The following EIF4E3 variants were observed in gnomAD, a reference collection of about 807,000 sequenced individuals.
EIF4E3 encodes the protein eukaryotic translation initiation factor 4E family member 3.
In EIF4E3, 26 loss-of-function variants were observed where a neutral mutation model predicts 31.7. The observed-to-expected ratio is 0.82, with a 90% CI of 0.60 to 1.14. The LOEUF (loss-of-function observed/expected upper bound fraction) is 1.14. Among genes scored for constraint, EIF4E3 ranks in the 50% most tolerant of loss-of-function variants. EIF4E3 has a pLI of 0.00. For synonymous variants in EIF4E3, 128 were observed against 107.7 expected (o/e 1.19, Z -1.17); for missense variants, 304 against 270.9 (o/e 1.12, Z -0.86).
At chr3:71,663,790 T>C in the EIF4E3 span, among the ~76,000 whole-genome samples, 2 of 152,236 alleles carry the variant, frequency 1.3e-5, no homozygotes, top group Admixed American at 6.5e-5. Flanking sequence ...GACCCAGCCA[T>C]GGAGGCCACC....
chr3:71,739,208 G>A (rs1025505303), intron 1 of EIF4E3, among the ~76,000 whole-genome samples: 1 of 150,424 alleles, frequency 6.6e-6, no homozygotes, highest in Non-Finnish European at 1.5e-5. Flanking sequence ...AGGAAAAGAA[G>A]AGCAAAGTAA....
upstream of EIF4E3, chr3:71,753,998 G>A: frequency 9.3e-7 from 1 of 1,072,172 alleles, no homozygotes; most frequent in Non-Finnish European, 1.1e-6. Flanking sequence ...CTGCGGGAGC[G>A]GCGAGGCAGG....
At chr3:71,668,549 G>GA in the EIF4E3 span, among the ~76,000 whole-genome samples, 111 of 144,502 alleles carry the variant, frequency 7.7e-4, no homozygotes, top group Admixed American at 2.1e-3. Context: ...AAATTTACAA[G>GA]AAAAAAAAAA....
intron 4 of EIF4E3, among the ~76,000 whole-genome samples, chr3:71,694,387 G>A (rs1210458354): frequency 1.3e-5 from 2 of 152,158 alleles, no homozygotes; most frequent in East Asian, 3.8e-4. Context: ...GGTTACACAA[G>A]TAAAGAACAC....
intron 1 of EIF4E3, among the ~76,000 whole-genome samples, chr3:71,734,232 G>A (rs1451330370): frequency 6.6e-6 from 1 of 152,202 alleles, no homozygotes; most frequent in Non-Finnish European, 1.5e-5. Flanking sequence ...CATTACAAAA[G>A]AGGAGCTCTC....
At chr3:71,731,143 C>T (rs758678212) in intron 1 of EIF4E3, among the ~76,000 whole-genome samples, 6 of 152,138 alleles carry the variant, frequency 3.9e-5, no homozygotes, top group Non-Finnish European at 7.4e-5. Flanking sequence ...TTCTAACACC[C>T]GACCCTCTCA....
chr3:71,674,312 G>C (rs2048861442), downstream of EIF4E3, among the ~76,000 whole-genome samples: 2 of 151,498 alleles, frequency 1.3e-5, no homozygotes, highest in Admixed American at 1.3e-4. Context: ...TCACCATGTT[G>C]GCCGGGCTGG....
At chr3:71,689,908 A>G in intron 6 of EIF4E3, 102 bp downstream of exon 6, 1 of 1,156,068 alleles carries the variant, frequency 8.7e-7, no homozygotes, top group East Asian at 2.8e-5. Flanking sequence ...GAATTATCAA[A>G]TTTCAAGTAA....
chr3:71,754,363 T>C, upstream of EIF4E3: 1 of 1,324,540 alleles, frequency 7.5e-7, no homozygotes, highest in Non-Finnish European at 9.7e-7. This position sits in a 1 kb window ranked among gnomAD's most constrained non-coding sequence, Gnocchi z 5.8. Context: ...GCCGCGCTCT[T>C]CTGCTTCCAC....
downstream of EIF4E3, among the ~76,000 whole-genome samples, chr3:71,672,138 C>T (rs1334485487): frequency 6.6e-6 from 1 of 152,138 alleles, no homozygotes; most frequent in Non-Finnish European, 1.5e-5. Flanking sequence ...CATAAATTCC[C>T]TGGACTTGGG....
intron 1 of EIF4E3, among the ~76,000 whole-genome samples, chr3:71,720,367 T>G (rs2049528825): frequency 6.6e-6 from 1 of 152,070 alleles, no homozygotes; most frequent in African/African-American, 2.4e-5. Context: ...GGCTAATTTT[T>G]TTTTTAAAAT....
chr3:71,665,750 T>C, the EIF4E3 span, among the ~76,000 whole-genome samples: 3 of 152,076 alleles, frequency 2.0e-5, no homozygotes, highest in African/African-American at 7.2e-5. Flanking sequence ...CATAACAGTC[T>C]CTCCGACCAC....
At chr3:71,690,433 AC>A (rs1321320868) in intron 5 of EIF4E3, among the ~76,000 whole-genome samples, 19 of 152,192 alleles carry the variant, frequency 1.2e-4, no homozygotes, top group Admixed American at 6.5e-5. Context: ...TAAGTAATTT[AC>A]CCTTTTTAAC....
At chr3:71,736,045 C>A (rs1260087200) in intron 1 of EIF4E3, among the ~76,000 whole-genome samples, 1 of 151,990 alleles carries the variant, frequency 6.6e-6, no homozygotes, top group African/African-American at 2.4e-5. Flanking sequence ...AAATAGGTAC[C>A]AAGAAAAGAT....
At position 71,683,617 on chromosome 3, in the gene EIF4E3, G is replaced by A. The variant is rs139416223; in HGVS notation, c.*1065C>T. ...GCACTCAAAGTTCAACTTTGTAAAT[G>A]TTCACATGCATCCTGGAAATGAGAT... On this transcript the variant is annotated 3_prime_UTR_variant, in exon 7 of 7. Transcript: ENST00000425534. 3.9e-5 allele frequency: 6 copies of A among 152,250 alleles called. No homozygotes were observed. The highest frequency in any genetic ancestry group is 1.4e-4 in the African/African-American group (6 of 41,548). 9.4% of individuals were successfully genotyped at this position (152,250 alleles called of 1,614,324 possible). A position where few individuals can be genotyped will look rare whatever the true frequency, so the allele number is the denominator to read the frequency against.
intron 2 of EIF4E3, among the ~76,000 whole-genome samples, chr3:71,704,502 AGTT>A (rs2049263408): frequency 6.6e-6 from 1 of 152,244 alleles, no homozygotes; most frequent in Non-Finnish European, 1.5e-5. Context: ...AACCTTATAG[AGTT>A]CCCCTCATTC....
rs763539431 is a variant in EIF4E3 at position 71,751,390 on chromosome 3, A to G, written c.-291+2073T>C. On this transcript the variant is annotated intron_variant, in intron 1 of 7. Transcript: ENST00000295612. Reference sequence around the variant, plus strand: ...CACATCTGGCCATTACAATGATTACATTAAATAACACATGTCGAGAATTTA... The same window carrying G: ...CACATCTGGCCATTACAATGATTACGTTAAATAACACATGTCGAGAATTTA... Among the ~76,000 whole-genome samples the G allele has an allele frequency of 4.6e-5, 7 of 152,234 alleles. No individual in the cohort carries two copies. The East Asian group carries it at 5.8e-4, about 13-fold the overall frequency.
At chr3:71,726,233 C>G (rs1483947517), upstream of EIF4E3, among the ~76,000 whole-genome samples, 42 of 152,208 alleles carry the variant, frequency 2.8e-4, no homozygotes, top group Admixed American at 2.7e-3. Flanking sequence ...TTCCCAAAAT[C>G]AGCCAAAGTA....
chr3:71,731,867 T>C (rs1343956969), intron 1 of EIF4E3, among the ~76,000 whole-genome samples: 1 of 152,228 alleles, frequency 6.6e-6, no homozygotes, highest in Non-Finnish European at 1.5e-5. Context: ...CTTTTTCAAA[T>C]GCATTTGCGA....
Sources: allele counts gnomAD v4.1 joint callset (sites outside exome capture counted in the v4.1 genomes callset), GRCh38; gene constraint gnomAD v4.1.1; non-coding constraint Gnocchi (gnomAD v3.1); transcripts MANE v1.5; gene names NCBI Gene and HGNC (gene_info 2026-07-23, HGNC 2026-07-21).